ITGA11: variants seen among roughly 807,000 people sequenced by gnomAD.
ITGA11 encodes the protein integrin subunit alpha 11, also known as integrin alpha-11.
In ITGA11, 97 loss-of-function variants were observed where a neutral mutation model predicts 141.9. The ratio of observed to expected loss-of-function variants is 0.68; its 90% CI spans 0.58 to 0.81. ITGA11 has a LOEUF of 0.81. Among genes scored for constraint, ITGA11 ranks in the 30% least tolerant of loss-of-function variants. ITGA11 has a pLI of 0.00. For missense variants in ITGA11, 1,387 were observed against 1,559.2 expected, an observed-to-expected ratio of 0.89 and a Z score of 1.86; for synonymous variants, 658 against 624.6, an observed-to-expected ratio of 1.05 and a Z score of -0.80.
At chr15:68,414,240 T>C (rs1045293961) in intron 1 of ITGA11, among the ~76,000 whole-genome samples, 1 of 152,196 alleles carries the variant, frequency 6.6e-6, no homozygotes, top group Admixed American at 6.5e-5. Flanking sequence ...ACCAGCTCCT[T>C]TGAGGCATGA....
rs568841331 is a variant in ITGA11 at position 68,300,328 on chromosome 15, T to C, written c.*2731A>G. 1 of 152,324 alleles carries C rather than the reference T, an allele frequency of 6.6e-6. No homozygotes were observed. Among genetic ancestry groups the C allele is most frequent in the South Asian group, 2.1e-4 (1 of 4,826 alleles). 9.4% of individuals were successfully genotyped at this position (152,324 alleles called of 1,614,324 possible). A position where few individuals can be genotyped will look rare whatever the true frequency, so the allele number is the denominator to read the frequency against. The stretch of plus-strand genomic sequence containing the variant: ...CTCTTTCTTCATCTTACAGCCTGGA[T>C]ATTCACTTACCTGTTGATTGCAACT... On this transcript the variant is annotated 3_prime_UTR_variant, in exon 30 of 30. Coordinates refer to ENST00000315757, the MANE Select transcript of ITGA11 (RefSeq NM_001004439.2).
At position 68,432,039 on chromosome 15, in the gene ITGA11, C is replaced by A; in HGVS notation, c.28G>T (p.Ala10Ser). 1.5e-6 allele frequency: 2 copies of A among 1,345,266 alleles called. No individual in the cohort carries two copies. Among genetic ancestry groups the A allele is most frequent in the Non-Finnish European group, 1.9e-6 (2 of 1,046,678 alleles). The allele number at this position is 1,345,266 out of a possible 1,614,324, so 83.3% of individuals were successfully genotyped here. A position where few individuals can be genotyped will look rare whatever the true frequency, so the allele number is the denominator to read the frequency against. The part of the protein sequence containing the change: MDLPRGLVV[A>S]WALSLWPGFT... ...CCTGGCCACAGGCTGAGCGCCCAGG[C>A]CACCACCAGGCCCCTGGGCAGGTCC... is the stretch of plus-strand genomic sequence containing the variant. Residue 10 changes from alanine (A) to serine (S), a missense_variant, in exon 1 of 30, where the codon GCC becomes TCC. Physicochemically the swap from Ala to Ser is moderately conservative, Grantham distance 99. Transcript: ENST00000315757.
chr15:68,357,709 T>A (rs1000903801), intron 6 of ITGA11, among the ~76,000 whole-genome samples: 3 of 152,136 alleles, frequency 2.0e-5, no homozygotes, highest in African/African-American at 4.8e-5. Flanking sequence ...TTTATCCCCA[T>A]GGATGATAAA....
chr15:68,421,944 C>T (rs1268365569), intron 1 of ITGA11, among the ~76,000 whole-genome samples: 1 of 152,196 alleles, frequency 6.6e-6, no homozygotes. Flanking sequence ...CTGGCTTCAC[C>T]ATCAGCAGCA....
rs756431853 is a variant in ITGA11, at chr15:68,357,164, T to C, written c.736A>G (p.Ile246Val). 3.7e-6 allele frequency: 6 copies of C among 1,609,916 alleles called. No individual in the cohort carries two copies. In the South Asian group the frequency reaches 5.6e-5, roughly 15 times the overall value. ...GGTETRTAFG[I>V]EFARSEAFQK... is the part of the protein sequence containing the mutation. ...CTTTTTTTTTACCGTGCAAATTCAATGCCAAATGCCGTCCGGGTCTCTGTT... is the reference window on the plus strand; with the variant it reads ...CTTTTTTTTTACCGTGCAAATTCAACGCCAAATGCCGTCCGGGTCTCTGTT... Residue 246 changes from isoleucine to valine, a missense_variant, in exon 7 of 30, where the codon ATT becomes GTT. By Grantham distance (29) the Ile-to-Val change is conservative. Coordinates refer to ENST00000315757, the MANE Select transcript of ITGA11 (RefSeq NM_001004439.2).
intron 12 of ITGA11, among the ~76,000 whole-genome samples, chr15:68,332,827 A>G (rs186402816): frequency 1.3e-5 from 2 of 152,096 alleles, no homozygotes; most frequent in Admixed American, 6.5e-5. Context: ...ACATCCAAAC[A>G]TAACTACCAC....
intron 1 of ITGA11, among the ~76,000 whole-genome samples, chr15:68,409,875 C>T (rs191826383): frequency 4.6e-5 from 7 of 152,336 alleles, no homozygotes; most frequent in East Asian, 3.9e-4. Flanking sequence ...TGAGGCCTCA[C>T]GGGTCCCGTG....
chr15:68,370,261 C>A (rs11856183), intron 2 of ITGA11, among the ~76,000 whole-genome samples: 1 of 152,060 alleles, frequency 6.6e-6, no homozygotes, highest in Non-Finnish European at 1.5e-5. Context: ...CTTACATGTA[C>A]CTAGGGAAAA....
intron 20 of ITGA11, among the ~76,000 whole-genome samples, chr15:68,319,902 A>G (rs540962949): frequency 2.0e-5 from 3 of 151,824 alleles, no homozygotes; most frequent in Non-Finnish European, 4.4e-5. Context: ...CCAGAGGAGG[A>G]GTCTGGGGGC....
chr15:68,415,463 A>G (rs1475283301), intron 1 of ITGA11, among the ~76,000 whole-genome samples: 2 of 152,200 alleles, frequency 1.3e-5, no homozygotes, highest in East Asian at 3.9e-4. Flanking sequence ...TTCTGTGGAA[A>G]AGCATCATCT....
At chr15:68,365,356 T>A in intron 3 of ITGA11, 1 of 986,798 alleles carries the variant, frequency 1.0e-6, no homozygotes, top group Non-Finnish European at 1.2e-6. Flanking sequence ...TGCCCAGGAA[T>A]GCCATTCTGA....
chr15:68,425,766 A>G (rs2140442263), intron 1 of ITGA11, among the ~76,000 whole-genome samples: 1 of 152,352 alleles, frequency 6.6e-6, no homozygotes, highest in East Asian at 1.9e-4. Context: ...TCAGGGAAGA[A>G]ACAGGCCCTG....
chr15:68,379,642 G>C (rs557348913), intron 2 of ITGA11, among the ~76,000 whole-genome samples: 2 of 152,328 alleles, frequency 1.3e-5, no homozygotes, highest in East Asian at 3.9e-4. Flanking sequence ...GCTCTCTCAG[G>C]AAGGTGGCTG....
intron 2 of ITGA11, among the ~76,000 whole-genome samples, chr15:68,375,310 A>T (rs1280845099): frequency 6.6e-6 from 1 of 152,182 alleles, no homozygotes; most frequent in African/African-American, 2.4e-5. Context: ...TCACTGGAGG[A>T]GCCGAGAGCT....
In ITGA11 at chr15:68,320,172, G is replaced by A. The variant is rs919060365; in HGVS notation, c.2616+13C>T. On this transcript the variant is annotated intron_variant, in intron 20 of 29. Transcript: ENST00000315757. ...CAGGCAGAGGCAGTCTGGGCAGGTC[G>A]CTGAGGTCTTACCTTCTGGATCAAG... 1.2e-6 allele frequency: 2 copies of A among 1,612,620 alleles called. No individual in the cohort carries two copies. The highest frequency in any genetic ancestry group is 3.3e-5 in the Admixed American group (2 of 59,992).
rs1195084910 is a variant in ITGA11 at position 68,335,399 on chromosome 15, G to T, written c.1425+298C>A. Among the ~76,000 whole-genome samples the T allele has an allele frequency of 6.6e-6, 1 of 152,232 alleles. No individual in the cohort carries two copies. The highest frequency in any genetic ancestry group is 1.5e-5 in the Non-Finnish European group (1 of 68,036). On this transcript the variant is annotated intron_variant, in intron 12 of 29. Transcript: ENST00000315757. The surrounding 1 kb of genome is among the most constrained non-coding windows in gnomAD (Gnocchi z 4.9). ...CATCATTGTCCACCACAGGACTCTT[G>T]GCAGCACAGTCTGGTTGCCAACCAC...
chr15:68,413,514 G>A (rs1370897894), intron 1 of ITGA11, among the ~76,000 whole-genome samples: 1 of 152,220 alleles, frequency 6.6e-6, no homozygotes, highest in African/African-American at 2.4e-5. Flanking sequence ...AGTCAACAGA[G>A]CCTGAAGTGA....
chr15:68,367,574 T>G (rs553691798), intron 3 of ITGA11, among the ~76,000 whole-genome samples: 1 of 152,294 alleles, frequency 6.6e-6, no homozygotes, highest in South Asian at 2.1e-4. Context: ...TTACAGCACC[T>G]GGTTTATTGC....
Position 68,311,097 on chromosome 15 carries a change from GAC to G in ITGA11, c.3088-19_3088-18del, listed in dbSNP as rs141995773. Reference sequence around the variant, plus strand: ...CGTGTTCGCCTACATAAAGGACATGGACACACACACACATACACAGCCTCACA... The same window carrying G: ...CGTGTTCGCCTACATAAAGGACATGGACACACACACATACACAGCCTCACA... On this transcript the variant is annotated intron_variant, in intron 25 of 29. Coordinates refer to ENST00000315757, the MANE Select transcript of ITGA11 (RefSeq NM_001004439.2). The G allele has an allele frequency of 4.0e-4, 635 of 1,573,234 alleles. No individual in the cohort carries two copies. Among genetic ancestry groups the G allele is most frequent in the East Asian group, 7.0e-4 (31 of 44,016 alleles).
Sources: gnomAD v4.1 joint callset for allele counts (sites outside exome capture counted in the v4.1 genomes callset) on GRCh38, gnomAD v4.1.1 for gene constraint, Gnocchi (gnomAD v3.1) non-coding constraint, MANE v1.5 for transcripts, NCBI Gene and HGNC (gene_info 2026-07-23, HGNC 2026-07-21) for gene names.